SHANK2: variants seen among roughly 807,000 people sequenced by gnomAD.
SHANK2 encodes SH3 and multiple ankyrin repeat domains protein 2.
SHANK2 carries 43 observed loss-of-function variants against 133.7 expected under a neutral mutation model. The ratio of observed to expected loss-of-function variants is 0.32; its 90% confidence interval spans 0.25 to 0.41. The LOEUF (loss-of-function observed/expected upper bound fraction) is 0.41. Ranked by LOEUF, SHANK2 falls within the 10% of genes least tolerant of loss-of-function variation. The pLI is 1.00. For missense variants in SHANK2, 1,994 were observed against 2,235.8 expected (o/e 0.89, Z 2.18); for synonymous variants, 1,017 against 952.8 (o/e 1.07, Z -1.24).
intron 10 of SHANK2, among the ~76,000 whole-genome samples, chr11:70,919,082 G>A (rs1294673278): frequency 3.3e-5 from 5 of 151,996 alleles, no homozygotes; most frequent in African/African-American, 4.8e-5. Flanking sequence ...GAGGATTACT[G>A]GATCCCAGGA....
intron 23 of SHANK2, chr11:70,489,805 AAC>A (rs1318843816): frequency 1.8e-5 from 5 of 278,094 alleles, no homozygotes; most frequent in African/African-American, 1.2e-4. Flanking sequence ...AGTTTTCTGC[AAC>A]ACACAGTACA....
intron 17 of SHANK2, among the ~76,000 whole-genome samples, chr11:70,594,291 G>A (rs933633585): frequency 3.7e-4 from 56 of 152,194 alleles, no homozygotes; most frequent in African/African-American, 1.3e-3. Flanking sequence ...ATCGCGTTAC[G>A]TGAGTCCACA....
At chr11:70,881,855 C>T (rs2135582743) in intron 11 of SHANK2, among the ~76,000 whole-genome samples, 1 of 152,048 alleles carries the variant, frequency 6.6e-6, no homozygotes, top group Non-Finnish European at 1.5e-5. Context: ...GCTCCCACCT[C>T]AGCCTCCTGC....
At chr11:70,735,852 A>ACC (rs1799422920) in intron 14 of SHANK2, among the ~76,000 whole-genome samples, 1 of 151,518 alleles carries the variant, frequency 6.6e-6, no homozygotes, top group Non-Finnish European at 1.5e-5. Flanking sequence ...CAGCGTGTCC[A>ACC]CCCTTCAGGC....
chr11:70,602,676 C>T (rs2060516734), intron 17 of SHANK2, among the ~76,000 whole-genome samples: 1 of 152,202 alleles, frequency 6.6e-6, no homozygotes, highest in South Asian at 2.1e-4. Context: ...AATAGTTGGA[C>T]ATTTTGATGC....
At chr11:71,190,483 C>T (rs3934693) in intron 2 of SHANK2, among the ~76,000 whole-genome samples, 2 of 152,120 alleles carry the variant, frequency 1.3e-5, no homozygotes, top group Admixed American at 6.6e-5. Flanking sequence ...ACGTCTATAC[C>T]ACTTCTCAGA....
At chr11:71,138,949 T>A (rs1328569857) in intron 3 of SHANK2, among the ~76,000 whole-genome samples, 1 of 152,024 alleles carries the variant, frequency 6.6e-6, no homozygotes, top group Non-Finnish European at 1.5e-5. Flanking sequence ...CCTCCCAGCA[T>A]GGCAAAGGTA....
At chr11:70,530,555 AAAGG>A (rs2059454751) in intron 17 of SHANK2, among the ~76,000 whole-genome samples, 2 of 152,234 alleles carry the variant, frequency 1.3e-5, no homozygotes, top group East Asian at 1.9e-4. Flanking sequence ...TAAAAACACA[AAAGG>A]AAGGAAGTGC....
At chr11:70,649,614 T>C (rs2061315906) in intron 17 of SHANK2, among the ~76,000 whole-genome samples, 1 of 151,504 alleles carries the variant, frequency 6.6e-6, no homozygotes, top group African/African-American at 2.4e-5. Context: ...CTGAGAACAC[T>C]GGGAGGTGGG....
At chr11:70,748,673 A>G (rs1346870306) in intron 14 of SHANK2, among the ~76,000 whole-genome samples, 4 of 152,218 alleles carry the variant, frequency 2.6e-5, no homozygotes, top group Non-Finnish European at 5.9e-5. Context: ...CACCCCCAAT[A>G]TAATTCCTTC....
chr11:71,239,132 C>T (rs994173480), intron 1 of SHANK2, among the ~76,000 whole-genome samples: 2 of 152,226 alleles, frequency 1.3e-5, no homozygotes, highest in African/African-American at 4.8e-5. Context: ...AGAGGGAGGA[C>T]TCACTGGAGT....
At chr11:70,637,033 C>T (rs565234208) in intron 17 of SHANK2, among the ~76,000 whole-genome samples, 54 of 151,568 alleles carry the variant, frequency 3.6e-4, no homozygotes, top group African/African-American at 1.3e-3. Context: ...CAGGGCCACA[C>T]TCCTCTGGTG....
intron 15 of SHANK2, among the ~76,000 whole-genome samples, chr11:70,678,572 C>T (rs1208347784): frequency 8.7e-6 from 1 of 115,368 alleles, no homozygotes; most frequent in African/African-American, 3.4e-5. Context: ...GAGTCTTGCT[C>T]TATCACCCAG....
chr11:70,810,623 C>T (rs559843343), intron 12 of SHANK2, among the ~76,000 whole-genome samples: 1 of 152,386 alleles, frequency 6.6e-6, no homozygotes, highest in Non-Finnish European at 1.5e-5. Flanking sequence ...CCTCCCGTCA[C>T]TCCCAGGCTG....
At chr11:71,124,088 G>A (rs1405689837) in intron 3 of SHANK2, among the ~76,000 whole-genome samples, 1 of 119,822 alleles carries the variant, frequency 8.3e-6, no homozygotes, top group East Asian at 2.6e-4. Flanking sequence ...TGTTGGTAAT[G>A]GCGATGATAG....
At chr11:70,794,852 G>A (rs145828703) in intron 14 of SHANK2, among the ~76,000 whole-genome samples, 2 of 152,228 alleles carry the variant, frequency 1.3e-5, no homozygotes, top group African/African-American at 4.8e-5. Flanking sequence ...CACCACACCT[G>A]GCCTGTGAAG....
At chr11:70,544,190 C>T (rs1404922871) in intron 17 of SHANK2, among the ~76,000 whole-genome samples, 1 of 152,154 alleles carries the variant, frequency 6.6e-6, no homozygotes, top group Non-Finnish European at 1.5e-5. Flanking sequence ...GTTCAAATCT[C>T]CACTCTCCAC....
intron 14 of SHANK2, among the ~76,000 whole-genome samples, chr11:70,752,154 ATCCAGGCTGGTTTTGAAC>A (rs1565291831): frequency 6.6e-6 from 1 of 152,128 alleles, no homozygotes; most frequent in Admixed American, 6.6e-5. Flanking sequence ...TCACTTTCTT[ATCCAGGCTGGTTTTGAAC>A]TCCTGGCCTC....
chr11:71,145,253 T>C (rs1952622167), intron 3 of SHANK2, among the ~76,000 whole-genome samples: 1 of 152,152 alleles, frequency 6.6e-6, no homozygotes, highest in Non-Finnish European at 1.5e-5. Flanking sequence ...AAGAACCGTC[T>C]TGCGCTACAC....
Sources: gnomAD v4.1 joint callset for allele counts (sites outside exome capture counted in the v4.1 genomes callset) on GRCh38, gnomAD v4.1.1 for gene constraint, MANE v1.5 for transcripts, NCBI Gene and HGNC (gene_info 2026-07-23, HGNC 2026-07-21) for gene names.